Variants in ME2 observed in about 807,000 individuals in gnomAD.
ME2 encodes the protein NAD-dependent malic enzyme, mitochondrial.
ME2 carries 60 observed loss-of-function variants against 73.7 expected under a neutral mutation model. The ratio of observed to expected loss-of-function variants is 0.81; its 90% CI spans 0.66 to 1.01. ME2 has a LOEUF of 1.01. ME2 is among the 50% of genes least tolerant of loss of function. The probability of loss-of-function intolerance (pLI) is 0.00; values close to 1 mark genes in which losing one functional copy is unlikely to be tolerated. For missense variants in ME2, 594 were observed against 705.5 expected, an observed-to-expected ratio of 0.84 and a Z score of 1.79; for synonymous variants, 199 against 236.9, an observed-to-expected ratio of 0.84 and a Z score of 1.47.
chr18:50,944,054 C>CA (rs933442978), intron 15 of ME2, among the ~76,000 whole-genome samples: 16 of 148,508 alleles, frequency 1.1e-4, no homozygotes, highest in East Asian at 2.0e-4. Context: ...TCATCTCTAC[C>CA]AAAAAAAAAA....
chr18:50,932,370 A>G lies in ME2; in HGVS notation c.1417+10A>G, dbSNP rs2144256925. On this transcript the variant is annotated intron_variant, in intron 13 of 15. Coordinates refer to ENST00000321341, the MANE Select transcript of ME2 (RefSeq NM_002396.5). The stretch of plus-strand genomic sequence containing the variant: ...GTTTATATTTTTCCAGGTAAATGCC[A>G]CCATTATTTATGTTATAGAGCAATA... The G allele has an allele frequency of 6.3e-7, 1 of 1,591,520 alleles. No individual in the cohort carries two copies. The highest frequency in any genetic ancestry group is 8.6e-7 in the Non-Finnish European group (1 of 1,160,594).
chr18:50,881,098 C>T (rs918390432), intron 1 of ME2, among the ~76,000 whole-genome samples: 2 of 152,152 alleles, frequency 1.3e-5, no homozygotes, highest in African/African-American at 4.8e-5. Context: ...TTGCGATCTC[C>T]ACTCACTGCA....
At chr18:50,927,679 G>A (rs1219697273) in intron 12 of ME2, among the ~76,000 whole-genome samples, 1 of 142,240 alleles carries the variant, frequency 7.0e-6, no homozygotes, top group Non-Finnish European at 1.5e-5. Context: ...TCCAGCCTGG[G>A]TGACAGAGCA....
chr18:50,890,314 A>G (rs1022052680), intron 1 of ME2, among the ~76,000 whole-genome samples: 5 of 152,242 alleles, frequency 3.3e-5, no homozygotes, highest in South Asian at 2.1e-4. Flanking sequence ...AGGTCTTACT[A>G]TGTTGCCCAG....
intron 7 of ME2, among the ~76,000 whole-genome samples, chr18:50,920,102 T>A (rs1917384876): frequency 6.6e-6 from 1 of 152,202 alleles, no homozygotes; most frequent in Non-Finnish European, 1.5e-5. Flanking sequence ...ATATATACTT[T>A]CTTGTGTTGC....
Position 50,947,319 on chromosome 18 carries a change from A to C in ME2, c.*135A>C. 2 of 794,100 alleles carry C rather than the reference A, an allele frequency of 2.5e-6. No individual in the cohort carries two copies. Among genetic ancestry groups the C allele is most frequent in the Non-Finnish European group, 4.0e-6 (2 of 500,342 alleles). 49.2% of individuals were successfully genotyped at this position (794,100 alleles called of 1,614,324 possible). ...CCACTTTGGTTGATGTATTTTTTCC[A>C]TGCGTCTCCACATCTGTTGGGGTAG... On this transcript the variant is annotated 3_prime_UTR_variant, in exon 16 of 16. Transcript: ENST00000321341.
At position 50,952,134 on chromosome 18, in the gene ME2, T is replaced by C. The variant is rs373812093; in HGVS notation, c.*4950T>C. 6.6e-6 allele frequency: 1 copy of C among 152,186 alleles called. No homozygotes were observed. The highest frequency in any genetic ancestry group is 1.9e-4 in the East Asian group (1 of 5,188). The allele number at this position is 152,186 out of a possible 1,614,324, so 9.4% of individuals were successfully genotyped here. A position where few individuals can be genotyped will look rare whatever the true frequency, so the allele number is the denominator to read the frequency against. On this transcript the variant is annotated 3_prime_UTR_variant, in exon 16 of 16. Transcript: ENST00000321341. ...TGATTGGTGATTTGCACTTTGTGCA[T>C]CTAATTATTAAAATGAAACTCTCTA...
chr18:50,898,607 T>C (rs1358228130), intron 2 of ME2, among the ~76,000 whole-genome samples: 3 of 152,044 alleles, frequency 2.0e-5, no homozygotes, highest in Non-Finnish European at 4.4e-5. Context: ...ACTTTTTGTA[T>C]TTTTTTGTAG....
chr18:50,921,446 A>G (rs1435009297), intron 10 of ME2, among the ~76,000 whole-genome samples: 3 of 152,322 alleles, frequency 2.0e-5, no homozygotes, highest in South Asian at 2.1e-4. Context: ...AAGAGATCAA[A>G]TGGCCATTGT....
chr18:50,938,097 G>A (rs1223346250), intron 13 of ME2, among the ~76,000 whole-genome samples: 1 of 152,186 alleles, frequency 6.6e-6, no homozygotes, highest in African/African-American at 2.4e-5. Context: ...GGAGGCTGAG[G>A]CAAGAGGATT....
intron 4 of ME2, among the ~76,000 whole-genome samples, chr18:50,914,155 G>T (rs190721345): frequency 6.6e-6 from 1 of 152,216 alleles, no homozygotes; most frequent in East Asian, 1.9e-4. Context: ...AGGTCTGGAG[G>T]TCCGGATTTT....
intron 3 of ME2, 52 bp downstream of exon 3, chr18:50,908,248 T>C: frequency 7.5e-7 from 1 of 1,331,116 alleles, no homozygotes; most frequent in Non-Finnish European, 1.0e-6. Flanking sequence ...ATTAGAAAAC[T>C]TATGAGCATT....
At chr18:50,884,958 A>G (rs686315) in intron 1 of ME2, among the ~76,000 whole-genome samples, 51,547 of 151,766 alleles carry the variant, frequency 0.34, 8,918 homozygotes, top group Non-Finnish European at 0.38. Flanking sequence ...GGGTTCAAGC[A>G]ATTCTCCCAC....
In ME2 at chr18:50,916,197, G is replaced by T. The variant is rs771536394; in HGVS notation, c.422G>T (p.Gly141Val). 6.8e-6 allele frequency: 11 copies of T among 1,612,044 alleles called. No individual in the cohort carries two copies. In the Admixed American group the frequency reaches 1.3e-4, roughly 20 times the overall value. Residue 141 changes from glycine to valine, a missense_variant, in exon 5 of 16, where the codon GGT (glycine) becomes GTT (valine). Transcript: ENST00000321341. ...TTATTTATTTCGATCTCAGACAGAG[G>T]TCATGTTAGATCAATTGTGGATAAC... is the stretch of plus-strand genomic sequence containing the variant. Reference protein sequence around the residue: ...KGLFISISDRGHVRSIVDNWP... With the variant: ...KGLFISISDRVHVRSIVDNWP...
intron 1 of ME2, among the ~76,000 whole-genome samples, chr18:50,883,637 C>T (rs669259): frequency 0.34 from 51,479 of 151,954 alleles, 8,902 homozygotes; most frequent in Non-Finnish European, 0.38. Context: ...CCGAGGCGGG[C>T]GGATCACCTG....
At position 50,917,275 on chromosome 18, in the gene ME2, A is replaced by G. The variant is rs527871302; in HGVS notation, c.469-72A>G. 9.3e-5 allele frequency: 113 copies of G among 1,221,478 alleles called. 1 individual carries two copies. The highest frequency in any genetic ancestry group is 7.2e-4 in the South Asian group (52 of 71,796). The allele number at this position is 1,221,478 out of a possible 1,614,324, so 75.7% of individuals were successfully genotyped here. On this transcript the variant is annotated intron_variant, in intron 5 of 15. Coordinates refer to ENST00000321341, the MANE Select transcript of ME2 (RefSeq NM_002396.5). Reference sequence around the variant, plus strand: ...GAGTAAATATATATGAAGTGAATCAATCTTTTAAAAAATGCTTTTCTTTAG... The same window carrying G: ...GAGTAAATATATATGAAGTGAATCAGTCTTTTAAAAAATGCTTTTCTTTAG...
chr18:50,953,151 G>C lies in ME2; in HGVS notation c.*5967G>C, dbSNP rs1918258076. On this transcript the variant is annotated 3_prime_UTR_variant, in exon 16 of 16. Coordinates refer to ENST00000321341, the MANE Select transcript of ME2 (RefSeq NM_002396.5). Reference sequence around the variant, plus strand: ...GCCTTGCTCTGTCTCCCAGGCTGGAGTGCAGTGGCGCAATCTCAGCTCACT... The same window carrying C: ...GCCTTGCTCTGTCTCCCAGGCTGGACTGCAGTGGCGCAATCTCAGCTCACT... 6.7e-6 allele frequency: 1 copy of C among 148,738 alleles called. No individual in the cohort carries two copies. Among genetic ancestry groups the C allele is most frequent in the Non-Finnish European group, 1.5e-5 (1 of 67,738 alleles). The allele number at this position is 148,738 out of a possible 1,614,324, so 9.2% of individuals were successfully genotyped here.
At chr18:50,924,235 A>G (rs1917494825) in intron 11 of ME2, 23 bp downstream of exon 11, 1 of 1,461,368 alleles carries the variant, frequency 6.8e-7, no homozygotes, top group Non-Finnish European at 9.5e-7. Context: ...TTTCTGATAA[A>G]TAATTTTACT....
In ME2 at chr18:50,947,349, G is replaced by C; in HGVS notation, c.*165G>C. Reference sequence around the variant, plus strand: ...TCTCCACATCTGTTGGGGTAGACGTGTTGATTGATTGCATTGCCCACCAGC... The same window carrying C: ...TCTCCACATCTGTTGGGGTAGACGTCTTGATTGATTGCATTGCCCACCAGC... On this transcript the variant is annotated 3_prime_UTR_variant, in exon 16 of 16. Transcript: ENST00000321341. The C allele has an allele frequency of 4.8e-6, 3 of 631,408 alleles. No homozygotes were observed. Among genetic ancestry groups the C allele is most frequent in the Non-Finnish European group, 5.4e-6 (2 of 369,116 alleles). The allele number at this position is 631,408 out of a possible 1,614,324, so 39.1% of individuals were successfully genotyped here.
Sources: gnomAD v4.1 joint callset for allele counts (sites outside exome capture counted in the v4.1 genomes callset) on GRCh38, gnomAD v4.1.1 for gene constraint, MANE v1.5 for transcripts, NCBI Gene and HGNC (gene_info 2026-07-23, HGNC 2026-07-21) for gene names.